GTSE1: variants seen among roughly 807,000 people sequenced by gnomAD.
The protein encoded by GTSE1 is G2 and S-phase expressed 1.
A neutral mutation model predicts 60.5 loss-of-function variants in GTSE1; 52 were observed. The observed-to-expected ratio is 0.86, with a 90% CI of 0.69 to 1.08. The LOEUF (loss-of-function observed/expected upper bound fraction) is 1.08. GTSE1 is among the 50% of genes least tolerant of loss of function. The probability of loss-of-function intolerance (pLI) is 0.00; values close to 1 mark genes in which losing one functional copy is unlikely to be tolerated. For missense variants in GTSE1, 937 were observed against 961.8 expected (o/e 0.97, Z 0.34); for synonymous variants, 368 against 386.5 (o/e 0.95, Z 0.56).
rs1272518981 is a variant in GTSE1 at position 46,296,942 on chromosome 22, GT to G, written c.-22+12del. 1 of 170,278 alleles carries G rather than the reference GT, an allele frequency of 5.9e-6. No individual in the cohort carries two copies. The highest frequency in any genetic ancestry group is 2.4e-5 in the African/African-American group (1 of 41,586). 10.5% of individuals were successfully genotyped at this position (170,278 alleles called of 1,614,324 possible). ...CGTCTGCCGCTTTGGGTAAGGTGGG[GT>G]CAGGGTCGGGGGCGAGGCTTGCCCG... On this transcript the variant is annotated intron_variant, in intron 1 of 11. Coordinates refer to ENST00000454366, the MANE Select transcript of GTSE1 (RefSeq NM_016426.7).
chr22:46,329,427 GA>G lies in GTSE1; in HGVS notation c.1997del (p.Asp666AlafsTer17). 6.2e-7 allele frequency: 1 copy of G among 1,614,182 alleles called. No homozygotes were observed. Among genetic ancestry groups the G allele is most frequent in the Non-Finnish European group, 8.5e-7 (1 of 1,180,012 alleles). ...TPDAASQPLI[D>X]LPLIDFCDTP... is the part of the protein sequence containing the mutation. The stretch of plus-strand genomic sequence containing the variant: ...AGATGCTGCAAGCCAGCCCCTCATT[GA>G]CCTTCCTCTCATCGACTTCTGCGAT... On this transcript the variant is annotated frameshift_variant, in exon 11 of 12. Transcript: ENST00000454366. LOFTEE classifies it high-confidence loss of function. The surrounding 1 kb of genome is among the most constrained non-coding windows in gnomAD (Gnocchi z 6.4).
In GTSE1 at chr22:46,326,514, A is replaced by C; in HGVS notation, c.1584A>C (p.Ser528=). The change falls in exon 9 of 12, where the codon TCA becomes TCC. Residue 528 remains serine (S), a synonymous_variant. Transcript: ENST00000454366. ...PQSLLSAWRV[S]ALPTPASRRC... is the part of the protein sequence containing the mutation. ...GCCTGCTGAGCGCATGGCGTGTGTC[A>C]GCCTTGCCCACACCCGCCAGCCGGC... is the stretch of plus-strand genomic sequence containing the variant. 2.5e-6 allele frequency: 4 copies of C among 1,614,062 alleles called. No homozygotes were observed. The highest frequency in any genetic ancestry group is 3.4e-6 in the Non-Finnish European group (4 of 1,179,928).
intron 2 of GTSE1, among the ~76,000 whole-genome samples, chr22:46,299,875 C>G (rs1245005658): frequency 6.6e-6 from 1 of 151,376 alleles, no homozygotes; most frequent in South Asian, 2.1e-4. Flanking sequence ...TTACTGCAAC[C>G]TCCGCCTCTT....
rs139307220 is a variant in GTSE1, at chr22:46,326,772, AGTTT to A, written c.1724+127_1724+130del. 6.6e-3 allele frequency: 4,326 copies of A among 656,166 alleles called. 136 individuals are homozygous for A. In the African/African-American group the frequency reaches 0.07, roughly 11 times the overall value. The allele number at this position is 656,166 out of a possible 1,614,324, so 40.6% of individuals were successfully genotyped here. On this transcript the variant is annotated intron_variant, in intron 9 of 11. Transcript: ENST00000454366. ...TTAGTGAAGTAAATAGTATTTGGAAAGTTTGTTTGTTTTTTTTTTCATTGCAAAG... is the reference window on the plus strand; with the variant it reads ...TTAGTGAAGTAAATAGTATTTGGAAAGTTTGTTTTTTTTTTCATTGCAAAG...
rs1381580115 is a variant in GTSE1, at chr22:46,316,384, T to A, written c.1404T>A (p.Asn468Lys). 6.3e-7 allele frequency: 1 copy of A among 1,586,050 alleles called. No individual in the cohort carries two copies. Among genetic ancestry groups the A allele is most frequent in the Middle Eastern group, 1.7e-4 (1 of 5,960 alleles). The stretch of plus-strand genomic sequence containing the variant: ...CAAAGGTTATGCCTACTCCTACAAA[T>A]CAATTTAAAATTCCTAAGTTTTCTA... ...SKTKVMPTPT[N>K]QFKIPKFSIG... Residue 468 changes from asparagine to lysine, a missense_variant, in exon 7 of 12, where the codon AAT (asparagine) becomes AAA (lysine). Transcript: ENST00000454366. The surrounding 1 kb of genome is among the most constrained non-coding windows in gnomAD (Gnocchi z 5.0).
chr22:46,321,912 A>C lies in GTSE1; in HGVS notation c.1433-1278A>C, dbSNP rs1204038205. ...AACATGGCAAAACCCTGTCTCTACT[A>C]ACAATACAAAAATTATCCGGGCGTG... On this transcript the variant is annotated intron_variant, in intron 7 of 11. Transcript: ENST00000454366. The surrounding 1 kb of genome is among the most constrained non-coding windows in gnomAD (Gnocchi z 4.0). Among the ~76,000 whole-genome samples, 1 of 152,044 alleles carries C rather than the reference A, an allele frequency of 6.6e-6. No individual in the cohort carries two copies. The highest frequency in any genetic ancestry group is 1.5e-5 in the Non-Finnish European group (1 of 68,002).
intron 2 of GTSE1, among the ~76,000 whole-genome samples, chr22:46,299,665 CG>C (rs1236860679): frequency 6.6e-6 from 1 of 152,230 alleles, no homozygotes; most frequent in Admixed American, 6.5e-5. Flanking sequence ...TTCTACTTCC[CG>C]TTGGCTAATA....
Position 46,313,777 on chromosome 22 carries a change from G to A in GTSE1, c.928-113G>A, listed in dbSNP as rs550134567. The A allele has an allele frequency of 1.5e-4, 173 of 1,158,966 alleles. 1 individual carries two copies. The African/African-American group carries it at 2.2e-3, about 15-fold the overall frequency. The allele number at this position is 1,158,966 out of a possible 1,614,324, so 71.8% of individuals were successfully genotyped here. The stretch of plus-strand genomic sequence containing the variant: ...CGGCCTCAGCCTCCCAAAGTGCTGG[G>A]ATTACAGGCGTGAGCCACCGTGCCC... On this transcript the variant is annotated intron_variant, in intron 5 of 11. Coordinates refer to ENST00000454366, the MANE Select transcript of GTSE1 (RefSeq NM_016426.7). The surrounding 1 kb of genome is among the most constrained non-coding windows in gnomAD (Gnocchi z 4.4).
At chr22:46,327,161 C>T (rs1431546266) in intron 9 of GTSE1, 2 of 151,998 alleles carry the variant, frequency 1.3e-5, no homozygotes, top group African/African-American at 2.4e-5. Flanking sequence ...GAGATTGCCC[C>T]GTTGCACTCC....
At chr22:46,315,292 C>T (rs1432190194) in intron 6 of GTSE1, among the ~76,000 whole-genome samples, 2 of 152,104 alleles carry the variant, frequency 1.3e-5, no homozygotes, top group Admixed American at 1.3e-4. Flanking sequence ...CTCTTGACCT[C>T]GTGATCCGCC....
chr22:46,319,216 G>A lies in GTSE1; in HGVS notation c.1432+2804G>A, dbSNP rs1886439311. Among the ~76,000 whole-genome samples the A allele has an allele frequency of 6.6e-6, 1 of 152,208 alleles. No homozygotes were observed. The highest frequency in any genetic ancestry group is 1.5e-5 in the Non-Finnish European group (1 of 68,036). ...GCTCCCAGAGCGCCGCGTGACCAGA[G>A]CGGACCCTGGAGTACCGTCAGTGCA... On this transcript the variant is annotated intron_variant, in intron 7 of 11. Coordinates refer to ENST00000454366, the MANE Select transcript of GTSE1 (RefSeq NM_016426.7). This position sits in a 1 kb window ranked among gnomAD's most constrained non-coding sequence, Gnocchi z 5.0.
chr22:46,312,294 G>GT lies in GTSE1; in HGVS notation c.918dup (p.Pro307SerfsTer46). 1 of 1,610,772 alleles carries GT rather than the reference G, an allele frequency of 6.2e-7. No individual in the cohort carries two copies. The highest frequency in any genetic ancestry group is 1.1e-5 in the South Asian group (1 of 90,646). Reference sequence around the variant, plus strand: ...GGGCCAGGGCAAGCGGGCGATCCCTGTTCCAAACAAGGTGAGTTGGCTGCT... The same window carrying GT: ...GGGCCAGGGCAAGCGGGCGATCCCTGTTTCCAAACAAGGTGAGTTGGCTGCT... On this transcript the variant is annotated frameshift_variant, in exon 5 of 12. Transcript: ENST00000454366. LOFTEE classifies it high-confidence loss of function.
chr22:46,303,055 A>G (rs1034589697), intron 2 of GTSE1, among the ~76,000 whole-genome samples: 2 of 151,826 alleles, frequency 1.3e-5, no homozygotes, highest in Non-Finnish European at 2.9e-5. Flanking sequence ...ACCTGCCACC[A>G]CACCCGGCTA....
chr22:46,324,091 G>A lies in GTSE1; in HGVS notation c.1505+829G>A, dbSNP rs918090504. Among the ~76,000 whole-genome samples, 3 of 152,196 alleles carry A rather than the reference G, an allele frequency of 2.0e-5. No homozygotes were observed. Among genetic ancestry groups the A allele is most frequent in the Non-Finnish European group, 4.4e-5 (3 of 68,044 alleles). On this transcript the variant is annotated intron_variant, in intron 8 of 11. Transcript: ENST00000454366. The surrounding 1 kb of genome is among the most constrained non-coding windows in gnomAD (Gnocchi z 5.2). ...TTTTTCCTCACGTCAAGTAGGGATG[G>A]CCCAAGCTCAGCTGGGGCCACTTGC... is the stretch of plus-strand genomic sequence containing the variant.
Position 46,318,895 on chromosome 22 carries a change from C to G in GTSE1, c.1432+2483C>G, listed in dbSNP as rs569408536. On this transcript the variant is annotated intron_variant, in intron 7 of 11. Transcript: ENST00000454366. The surrounding 1 kb of genome is among the most constrained non-coding windows in gnomAD (Gnocchi z 4.8). The stretch of plus-strand genomic sequence containing the variant: ...ATCCTCATGGTCTAGTGTGGCTGCA[C>G]CGGCTCTGGCCCTCATACCTCCCGG... Among the ~76,000 whole-genome samples the G allele has an allele frequency of 6.6e-6, 1 of 152,086 alleles. No homozygotes were observed. Among genetic ancestry groups the G allele is most frequent in the Non-Finnish European group, 1.5e-5 (1 of 68,030 alleles).
chr22:46,329,614 C>T lies in GTSE1; in HGVS notation c.2136+47C>T, dbSNP rs754040748. 25 of 1,475,366 alleles carry T rather than the reference C, an allele frequency of 1.7e-5. No homozygotes were observed. In the Admixed American group the frequency reaches 2.4e-4, roughly 14 times the overall value. The allele number at this position is 1,475,366 out of a possible 1,614,324, so 91.4% of individuals were successfully genotyped here. On this transcript the variant is annotated intron_variant, in intron 11 of 11. Transcript: ENST00000454366. This position sits in a 1 kb window ranked among gnomAD's most constrained non-coding sequence, Gnocchi z 6.4. ...ATGTTGACTCAGCCCTGGGTGTCCT[C>T]AGTTCTGGGATTGTTCATCCTCCCA...
Position 46,308,717 on chromosome 22 carries a change from G to A in GTSE1, c.536G>A (p.Gly179Asp), listed in dbSNP as rs780797269. 31 of 1,613,660 alleles carry A rather than the reference G, an allele frequency of 1.9e-5. No homozygotes were observed. In the East Asian group the frequency reaches 6.0e-4, roughly 31 times the overall value. Residue 179 changes from glycine (G) to aspartate (D), a missense_variant, in exon 4 of 12, where the codon GGT becomes GAT. Transcript: ENST00000454366. Reference sequence around the variant, plus strand: ...AGCCCCTTGCTGGGGCCCCCTGTGGGTGAGCCTCGGCTCTTGGCCTCCTCC... The same window carrying A: ...AGCCCCTTGCTGGGGCCCCCTGTGGATGAGCCTCGGCTCTTGGCCTCCTCC... ...SDSPLLGPPV[G>D]EPRLLASSPA...
At position 46,330,451 on chromosome 22, in the gene GTSE1, C is replaced by G. The variant is rs978447261; in HGVS notation, c.*321C>G. On this transcript the variant is annotated 3_prime_UTR_variant, in exon 12 of 12. Coordinates refer to ENST00000454366, the MANE Select transcript of GTSE1 (RefSeq NM_016426.7). This position sits in a 1 kb window ranked among gnomAD's most constrained non-coding sequence, Gnocchi z 6.0. ...TGGGCTGTGATTGTGCCACTGCACT[C>G]CAGCCTGGGCACCAATGTGAGAACC... 2 of 213,622 alleles carry G rather than the reference C, an allele frequency of 9.4e-6. No individual in the cohort carries two copies. Among genetic ancestry groups the G allele is most frequent in the Admixed American group, 1.2e-4 (2 of 17,194 alleles). 13.2% of individuals were successfully genotyped at this position (213,622 alleles called of 1,614,324 possible). A position where few individuals can be genotyped will look rare whatever the true frequency, so the allele number is the denominator to read the frequency against.
At chr22:46,300,950 T>G (rs1330674603) in intron 2 of GTSE1, among the ~76,000 whole-genome samples, 1 of 152,216 alleles carries the variant, frequency 6.6e-6, no homozygotes, top group Non-Finnish European at 1.5e-5. Flanking sequence ...CAGACATAAT[T>G]TGTGCAGGTG....
Sources: allele counts gnomAD v4.1 joint callset (sites outside exome capture counted in the v4.1 genomes callset), GRCh38; gene constraint gnomAD v4.1.1; non-coding constraint Gnocchi (gnomAD v3.1); transcripts MANE v1.5; gene names NCBI Gene and HGNC (gene_info 2026-07-23, HGNC 2026-07-21).